USPL1: variants seen among roughly 807,000 people sequenced by gnomAD.
USPL1 encodes the protein ubiquitin specific peptidase like 1, also known as SUMO-specific isopeptidase USPL1.
A neutral mutation model predicts 51.5 loss-of-function variants in USPL1; 27 were observed. That is an observed-to-expected ratio of 0.52 (90% CI 0.39 to 0.72). The LOEUF is 0.72. Among genes scored for constraint, USPL1 ranks in the 30% least tolerant of loss-of-function variants. The pLI is 0.00. For missense variants in USPL1, 1,226 were observed against 1,268.0 expected (o/e 0.97, Z 0.50); for synonymous variants, 451 against 459.6 (o/e 0.98, Z 0.24).
Position 30,653,238 on chromosome 13 carries a change from T to G in USPL1, c.1329T>G (p.Tyr443Ter). 1 of 1,613,038 alleles carries G rather than the reference T, an allele frequency of 6.2e-7. No individual in the cohort carries two copies. Among genetic ancestry groups the G allele is most frequent in the Non-Finnish European group, 8.5e-7 (1 of 1,179,302 alleles). The change falls in exon 8 of 9, where the codon TAT (tyrosine) becomes TAG (stop). Residue 443 changes from tyrosine (Y) to a stop codon, truncating the protein, a stop_gained. Transcript: ENST00000255304. LOFTEE classifies it high-confidence loss of function. ...HYAFHFEGCL[Y>*]QITSVIQYRA... ...CATTTCATTTTGAAGGCTGTCTTTATCAGATAACTTCTGTAATTCAGTATC... is the reference window on the plus strand; with the variant it reads ...CATTTCATTTTGAAGGCTGTCTTTAGCAGATAACTTCTGTAATTCAGTATC...
At chr13:30,639,277 T>A (rs1024692507) in intron 5 of USPL1, among the ~76,000 whole-genome samples, 2 of 151,720 alleles carry the variant, frequency 1.3e-5, no homozygotes, top group Non-Finnish European at 2.9e-5. Context: ...CGTGTGTATA[T>A]ATATATATCG....
chr13:30,646,935 T>C lies in USPL1; in HGVS notation c.1116T>C (p.His372=). The C allele has an allele frequency of 6.2e-7, 1 of 1,612,122 alleles. No homozygotes were observed. The highest frequency in any genetic ancestry group is 8.5e-7 in the Non-Finnish European group (1 of 1,179,230). ...TTGTTATGTCATTTTTTTATAGGCA[T>C]ATGAAGAGTCTGGTCACCTTTACAA... The part of the protein sequence containing the change: ...SQCGHQYQNR[H]MKSLVTFTNV... Residue 372 remains histidine (H), a synonymous_variant, in exon 7 of 9, where the codon CAT becomes CAC. Transcript: ENST00000255304.
chr13:30,632,075 C>T (rs1372294806), intron 4 of USPL1, among the ~76,000 whole-genome samples: 1 of 151,970 alleles, frequency 6.6e-6, no homozygotes, highest in African/African-American at 2.4e-5. Flanking sequence ...ATCAACCCGT[C>T]ACCTATATTA....
chr13:30,621,301 T>C, intron 2 of USPL1, 62 bp downstream of exon 2: 2 of 1,271,004 alleles, frequency 1.6e-6, no homozygotes, highest in Non-Finnish European at 2.2e-6. Flanking sequence ...TTTTGAGACT[T>C]AAATTCAATT....
chr13:30,646,646 G>A (rs1021703003), intron 6 of USPL1, among the ~76,000 whole-genome samples: 1 of 152,244 alleles, frequency 6.6e-6, no homozygotes, highest in Non-Finnish European at 1.5e-5. Flanking sequence ...GCACAGGACA[G>A]TGCTTCACAG....
intron 3 of USPL1, among the ~76,000 whole-genome samples, chr13:30,622,399 A>T (rs1950657778): frequency 6.6e-6 from 1 of 152,242 alleles, no homozygotes; most frequent in Admixed American, 6.5e-5. Flanking sequence ...ACCGACTGGT[A>T]CGGCTTTTAT....
Position 30,621,244 on chromosome 13 carries a change from G to A in USPL1, c.99+5G>A, listed in dbSNP as rs1463255635. The A allele has an allele frequency of 1.3e-6, 2 of 1,571,596 alleles. No individual in the cohort carries two copies. The highest frequency in any genetic ancestry group is 3.9e-5 in the Admixed American group (2 of 51,610). ...ATGGTGGGGTATTTGGGAAAAGTTA[G>A]TGAACTTATTTTTTGCCTGAGTGCA... On this transcript the variant is annotated splice_donor_5th_base_variant and intron_variant, in intron 2 of 8. Coordinates refer to ENST00000255304, the MANE Select transcript of USPL1 (RefSeq NM_005800.5).
In USPL1 at chr13:30,657,520, G is replaced by C. The variant is rs765275560; in HGVS notation, c.1443G>C (p.Arg481Ser). 4.3e-6 allele frequency: 7 copies of C among 1,612,208 alleles called. No homozygotes were observed. In the South Asian group the frequency reaches 4.4e-5, roughly 10 times the overall value. The stretch of plus-strand genomic sequence containing the variant: ...ACTTAAAAGGCCCATGTTCTGAAAG[G>C]CACAAGAAATTTGAAGTTCCTGCTT... ...CDDLKGPCSE[R>S]HKKFEVPASE... Residue 481 changes from arginine (R) to serine (S), a missense_variant, in exon 9 of 9, where the codon AGG (arginine) becomes AGC (serine). Transcript: ENST00000255304.
chr13:30,618,621 C>T (rs1950603030), intron 1 of USPL1, among the ~76,000 whole-genome samples: 1 of 151,992 alleles, frequency 6.6e-6, no homozygotes, highest in Non-Finnish European at 1.5e-5. Context: ...TTTGCGATTC[C>T]CAGGGCCACC....
At chr13:30,631,510 A>G in intron 4 of USPL1, 36 bp downstream of exon 4, 1 of 1,539,292 alleles carries the variant, frequency 6.5e-7, no homozygotes, top group Non-Finnish European at 8.7e-7. Context: ...TTACTTATTT[A>G]TTCATCTGGA....
In USPL1 at chr13:30,621,146, G is replaced by A; in HGVS notation, c.6G>A (p.Met2Ile). The change falls in exon 2 of 9, where the codon ATG (methionine) becomes ATA (isoleucine). Residue 2 changes from methionine to isoleucine, a missense_variant. By Grantham distance (10) the Met-to-Ile change is conservative (BLOSUM62 1). Transcript: ENST00000255304. M[M>I]DSPKIGNGLP... ...AAATTAGCCAATGACTCGGAATGAT[G>A]GATTCTCCGAAGATTGGAAATGGTT... is the stretch of plus-strand genomic sequence containing the variant. 6.2e-7 allele frequency: 1 copy of A among 1,603,844 alleles called. No homozygotes were observed. Among genetic ancestry groups the A allele is most frequent in the Non-Finnish European group, 8.5e-7 (1 of 1,176,572 alleles).
At chr13:30,639,697 C>T (rs1361252015) in intron 5 of USPL1, among the ~76,000 whole-genome samples, 1 of 152,136 alleles carries the variant, frequency 6.6e-6, no homozygotes, top group African/African-American at 2.4e-5. Context: ...AGGTTCATCA[C>T]CCCCAGCCAC....
At chr13:30,642,200 G>T (rs1950957018) in intron 5 of USPL1, among the ~76,000 whole-genome samples, 1 of 152,134 alleles carries the variant, frequency 6.6e-6, no homozygotes, top group Admixed American at 6.5e-5. Flanking sequence ...AACGCAAGCA[G>T]TCTTCCTGCC....
rs1950650562 is a variant in USPL1 at position 30,621,841 on chromosome 13, G to A, written c.177G>A (p.Lys59=). The A allele has an allele frequency of 6.3e-7, 1 of 1,583,886 alleles. No individual in the cohort carries two copies. Among genetic ancestry groups the A allele is most frequent in the African/African-American group, 1.4e-5 (1 of 73,310 alleles). ...AGAAGGGAAAGTTAAAAGCCTTAAAGACTTACCGAATTAGTTTTCAAGAAT... is the reference window on the plus strand; with the variant it reads ...AGAAGGGAAAGTTAAAAGCCTTAAAAACTTACCGAATTAGTTTTCAAGAAT... The part of the protein sequence containing the change: ...CREKGKLKAL[K]TYRISFQESI... The change falls in exon 3 of 9, where the codon AAG becomes AAA. Residue 59 remains lysine (K), a synonymous_variant. Transcript: ENST00000255304.
intron 6 of USPL1, among the ~76,000 whole-genome samples, chr13:30,645,307 C>G (rs777699801): frequency 1.3e-5 from 2 of 152,200 alleles, no homozygotes; most frequent in Admixed American, 6.5e-5. Context: ...AATAGTGTAT[C>G]TTTGCCAAAT....
chr13:30,631,752 A>G (rs940308711), intron 4 of USPL1, among the ~76,000 whole-genome samples: 1 of 152,116 alleles, frequency 6.6e-6, no homozygotes, highest in African/African-American at 2.4e-5. Context: ...CAGCCTCCCA[A>G]AGTGCTGGGA....
intron 5 of USPL1, among the ~76,000 whole-genome samples, chr13:30,642,207 T>C (rs569488794): frequency 6.6e-6 from 1 of 152,292 alleles, no homozygotes; most frequent in East Asian, 1.9e-4. Flanking sequence ...GCAGTCTTCC[T>C]GCCTTGGCCT....
Position 30,659,715 on chromosome 13 carries a change from T to A in USPL1, c.*359T>A, listed in dbSNP as rs1951230814. ...GTTATGAGTGATCTTTGTGGTGGTT[T>A]TCTTCCCCTGGAAACCTGTTGCTCG... On this transcript the variant is annotated 3_prime_UTR_variant, in exon 9 of 9. Coordinates refer to ENST00000255304, the MANE Select transcript of USPL1 (RefSeq NM_005800.5). 2 of 172,648 alleles carry A rather than the reference T, an allele frequency of 1.2e-5. No individual in the cohort carries two copies. Among genetic ancestry groups the A allele is most frequent in the South Asian group, 3.1e-4 (2 of 6,382 alleles). 10.7% of individuals were successfully genotyped at this position (172,648 alleles called of 1,614,324 possible). A position where few individuals can be genotyped will look rare whatever the true frequency, so the allele number is the denominator to read the frequency against.
In USPL1 at chr13:30,653,163, C is replaced by T. The variant is rs2137712987; in HGVS notation, c.1254C>T (p.Phe418=). The T allele has an allele frequency of 2.5e-6, 4 of 1,598,822 alleles. No homozygotes were observed. The South Asian group carries it at 4.5e-5, about 18-fold the overall frequency. The part of the protein sequence containing the change: ...KMVLEKVSPI[F]MLHFVEGLPQ... ...TCTCCCACAGAGTATCTCCCATATT[C>T]ATGTTGCACTTTGTAGAAGGCTTAC... is the stretch of plus-strand genomic sequence containing the variant. The change falls in exon 8 of 9, where the codon TTC becomes TTT. Residue 418 remains phenylalanine (F), a synonymous_variant. Coordinates refer to ENST00000255304, the MANE Select transcript of USPL1 (RefSeq NM_005800.5).
Sources: gnomAD v4.1 joint callset for allele counts (sites outside exome capture counted in the v4.1 genomes callset) on GRCh38, gnomAD v4.1.1 for gene constraint, MANE v1.5 for transcripts, NCBI Gene and HGNC (gene_info 2026-07-23, HGNC 2026-07-21) for gene names.